Variants in RREB1 observed in about 807,000 individuals in gnomAD.
RREB1 encodes ras-responsive element-binding protein 1.
RREB1 carries 27 observed loss-of-function variants against 117.8 expected under a neutral mutation model. The observed-to-expected ratio is 0.23, with a 90% CI of 0.17 to 0.32. The LOEUF is 0.32. Ranked by LOEUF, RREB1 falls within the 10% of genes least tolerant of loss-of-function variation. The pLI is 1.00. For synonymous variants in RREB1, 1,298 were observed against 1,026.7 expected, an observed-to-expected ratio of 1.26 and a Z score of -5.05; for missense variants, 2,577 against 2,378.2, an observed-to-expected ratio of 1.08 and a Z score of -1.74.
At chr6:7,147,103 G>A (rs1293054186) in intron 1 of RREB1, among the ~76,000 whole-genome samples, 1 of 152,166 alleles carries the variant, frequency 6.6e-6, no homozygotes, top group Non-Finnish European at 1.5e-5. Context: ...GTGCCCTGGT[G>A]TGCTTTTCTG....
At chr6:7,228,486 G>A (rs1767717456) in intron 9 of RREB1, among the ~76,000 whole-genome samples, 1 of 144,590 alleles carries the variant, frequency 6.9e-6, no homozygotes, top group South Asian at 2.2e-4. Context: ...GCAAGCAGGA[G>A]AAGGTCAACT....
intron 1 of RREB1, among the ~76,000 whole-genome samples, chr6:7,145,039 C>T (rs1396660074): frequency 6.6e-6 from 1 of 152,092 alleles, no homozygotes; most frequent in Non-Finnish European, 1.5e-5. Flanking sequence ...TTCGTCTCAC[C>T]GTGTAGAGGG....
chr6:7,187,921 C>A (rs1765169592), intron 5 of RREB1, among the ~76,000 whole-genome samples: 1 of 152,122 alleles, frequency 6.6e-6, no homozygotes, highest in African/African-American at 2.4e-5. Context: ...TTTGGGAGGC[C>A]AAGATAGGCG....
chr6:7,199,532 AT>A (rs1294249101), intron 6 of RREB1, among the ~76,000 whole-genome samples: 5 of 152,136 alleles, frequency 3.3e-5, no homozygotes, highest in Admixed American at 2.6e-4. Flanking sequence ...CTGAATTTCC[AT>A]GGCCAAGTTG....
rs1767841770 is a variant in RREB1, at chr6:7,230,204, A to G, written c.2105A>G (p.Lys702Arg). Residue 702 changes from lysine (K) to arginine (R), a missense_variant, in exon 10 of 13, where the codon AAG (lysine) becomes AGG (arginine). Lys to Arg is a conservative substitution (Grantham distance 26, BLOSUM62 2). Coordinates refer to ENST00000379938, the MANE Select transcript of RREB1 (RefSeq NM_001003699.4). ...AGTGGGGAGCGGCCCTACATTTGCA[A>G]GATCTGCCACTACCCCTTCACTGTC... ...THSGERPYIC[K>R]ICHYPFTVKA... 1.2e-6 allele frequency: 2 copies of G among 1,605,592 alleles called. No individual in the cohort carries two copies. Among genetic ancestry groups the G allele is most frequent in the African/African-American group, 1.3e-5 (1 of 74,928 alleles).
At position 7,226,672 on chromosome 6, in the gene RREB1, C is replaced by A; in HGVS notation, c.897+16C>A. 1 of 1,604,796 alleles carries A rather than the reference C, an allele frequency of 6.2e-7. No individual in the cohort carries two copies. The highest frequency in any genetic ancestry group is 1.1e-5 in the South Asian group (1 of 90,154). ...CATTTCTCAGGTATTCTGATCAGCC[C>A]ATGGAAGCAACCAGCAACTGCCTTC... On this transcript the variant is annotated intron_variant, in intron 9 of 12. Transcript: ENST00000379938.
chr6:7,187,578 T>TTATTG (rs1765154084), intron 5 of RREB1, 55 bp downstream of exon 5: 2 of 922,524 alleles, frequency 2.2e-6, no homozygotes, highest in Non-Finnish European at 2.9e-6. Flanking sequence ...TTATTTTATT[T>TTATTG]TATTTTATTT....
intron 1 of RREB1, among the ~76,000 whole-genome samples, chr6:7,149,268 A>G (rs1334948532): frequency 6.6e-6 from 1 of 152,188 alleles, no homozygotes; most frequent in Non-Finnish European, 1.5e-5. Context: ...TATCACCAAA[A>G]GAATATATAA....
intron 6 of RREB1, among the ~76,000 whole-genome samples, chr6:7,204,161 C>T (rs191218415): frequency 6.6e-6 from 1 of 152,328 alleles, no homozygotes; most frequent in Non-Finnish European, 1.5e-5. Context: ...AACCTTCCTC[C>T]ACACCCTGGG....
rs1767876907 is a variant in RREB1, at chr6:7,230,592, G to A, written c.2493G>A (p.Leu831=). The change falls in exon 10 of 13, where the codon CTG becomes CTA. Residue 831 remains leucine (L), a synonymous_variant. Coordinates refer to ENST00000379938, the MANE Select transcript of RREB1 (RefSeq NM_001003699.4). The part of the protein sequence containing the change: ...IESYVLAADG[L]GPAEAPAAEA... ...GCTACGTGCTGGCCGCCGACGGCCT[G>A]GGCCCCGCAGAGGCGCCGGCCGCTG... The A allele has an allele frequency of 1.2e-6, 2 of 1,603,840 alleles. No individual in the cohort carries two copies. The highest frequency in any genetic ancestry group is 1.3e-5 in the African/African-American group (1 of 74,742).
intron 4 of RREB1, chr6:7,183,215 T>C (rs2113534306): frequency 6.6e-6 from 1 of 152,392 alleles, no homozygotes; most frequent in South Asian, 2.1e-4. Context: ...CTCTCTTTTT[T>C]CCCTTTTCTC....
chr6:7,199,657 T>TTTTTG (rs1232891764), intron 6 of RREB1, among the ~76,000 whole-genome samples: 27 of 151,850 alleles, frequency 1.8e-4, no homozygotes, highest in African/African-American at 2.7e-4. Context: ...GTGTGTGATT[T>TTTTTG]TTTTGTTTTG....
At chr6:7,224,949 A>G (rs1370071304) in intron 8 of RREB1, among the ~76,000 whole-genome samples, 2 of 152,060 alleles carry the variant, frequency 1.3e-5, no homozygotes, top group Non-Finnish European at 2.9e-5. Flanking sequence ...CAGGGGAGCC[A>G]GGGGAGGAGC....
At chr6:7,121,750 A>G (rs1256904583) in intron 1 of RREB1, among the ~76,000 whole-genome samples, 1 of 151,668 alleles carries the variant, frequency 6.6e-6, no homozygotes, top group East Asian at 1.9e-4. Flanking sequence ...GGTTTCTACT[A>G]CGTTAATTAA....
chr6:7,203,462 A>C (rs1029028610), intron 6 of RREB1, among the ~76,000 whole-genome samples: 19 of 152,216 alleles, frequency 1.2e-4, no homozygotes, highest in African/African-American at 4.3e-4. Flanking sequence ...CCCAGGACCA[A>C]GATAGAAAAG....
chr6:7,117,395 T>TTTTTTTTTTTTTTTA (rs1761454903), intron 1 of RREB1, among the ~76,000 whole-genome samples: 1 of 26,632 alleles, frequency 3.8e-5, no homozygotes. Context: ...CCTGTTTTTT[T>TTTTTTTTTTTTTTTA]TTTTTTTTTT....
rs1253944842 is a variant in RREB1, at chr6:7,231,812, C to T, written c.3713C>T (p.Ser1238Leu). 10 of 1,613,582 alleles carry T rather than the reference C, an allele frequency of 6.2e-6. No homozygotes were observed. The highest frequency in any genetic ancestry group is 1.7e-5 in the Admixed American group (1 of 59,998). The change falls in exon 10 of 13, where the codon TCG (serine) becomes TTG (leucine). Residue 1238 changes from serine to leucine, a missense_variant. Transcript: ENST00000379938. ...AAGCTGCTGAGGGCCAAGCGGAACT[C>T]GTACACCAACTGCCTGCAGAAGATC... ...EDKLLRAKRNSYTNCLQKITC... is the reference protein window; with the variant it reads ...EDKLLRAKRNLYTNCLQKITC...
At chr6:7,203,597 G>A (rs1766108515) in intron 6 of RREB1, among the ~76,000 whole-genome samples, 1 of 152,186 alleles carries the variant, frequency 6.6e-6, no homozygotes, top group Non-Finnish European at 1.5e-5. Flanking sequence ...GAGCCGTGGA[G>A]ATTGAGAGTC....
intron 1 of RREB1, among the ~76,000 whole-genome samples, chr6:7,127,337 G>C (rs1490245883): frequency 6.6e-6 from 1 of 151,968 alleles, no homozygotes. Flanking sequence ...CTTGGAATTT[G>C]GTATTCTCTT....
Sources: gnomAD v4.1 joint callset for allele counts (sites outside exome capture counted in the v4.1 genomes callset) on GRCh38, gnomAD v4.1.1 for gene constraint, MANE v1.5 for transcripts, NCBI Gene and HGNC (gene_info 2026-07-23, HGNC 2026-07-21) for gene names.